The following MACROD2 variants were observed in gnomAD, a reference collection of about 807,000 sequenced individuals.
MACROD2 encodes ADP-ribose glycohydrolase MACROD2.
Under a neutral mutation model 70.4 loss-of-function variants are expected in MACROD2, and 36 were observed. The ratio of observed to expected loss-of-function variants is 0.51; its 90% confidence interval spans 0.39 to 0.68. MACROD2 has a LOEUF of 0.68. Among genes scored for constraint, MACROD2 ranks in the 30% least tolerant of loss-of-function variants. The pLI, the probability that MACROD2 is intolerant of heterozygous loss-of-function variation, is 0.00. For synonymous variants in MACROD2, 172 were observed against 178.8 expected (o/e 0.96, Z 0.30); for missense variants, 496 against 538.4 (o/e 0.92, Z 0.78).
At chr20:14,695,546 A>G (rs906830106) in intron 5 of MACROD2, among the ~76,000 whole-genome samples, 1 of 152,204 alleles carries the variant, frequency 6.6e-6, no homozygotes, top group Non-Finnish European at 1.5e-5. Flanking sequence ...CTCTCTGAGC[A>G]TGGCCAGTTT....
chr20:14,638,105 G>GAAC (rs1984882385), intron 4 of MACROD2, among the ~76,000 whole-genome samples: 1 of 151,876 alleles, frequency 6.6e-6, no homozygotes, highest in Non-Finnish European at 1.5e-5. Context: ...GTAGAGGGTG[G>GAAC]TACATCATTG....
chr20:14,407,185 A>C (rs549842906), intron 3 of MACROD2, among the ~76,000 whole-genome samples: 2 of 149,302 alleles, frequency 1.3e-5, no homozygotes, highest in Non-Finnish European at 3.0e-5. Flanking sequence ...ATTTTCATTT[A>C]AAGTCTTTCT....
intron 5 of MACROD2, among the ~76,000 whole-genome samples, chr20:15,168,185 G>A (rs909680555): frequency 1.3e-5 from 2 of 152,106 alleles, no homozygotes; most frequent in Non-Finnish European, 2.9e-5. Flanking sequence ...TCACATCAGC[G>A]TGATGTGGTG....
chr20:14,025,341 G>A lies in MACROD2; in HGVS notation c.163+22937G>A, dbSNP rs376885386. Reference sequence around the variant, plus strand: ...CTCCTGGATTCATTGATGTTTTGACGGGTTTTTCGTGTCTGTATCTCCTTC... The same window carrying A: ...CTCCTGGATTCATTGATGTTTTGACAGGTTTTTCGTGTCTGTATCTCCTTC... On this transcript the variant is annotated intron_variant, in intron 2 of 17. Transcript: ENST00000684519. Among the ~76,000 whole-genome samples the A allele has an allele frequency of 1.7e-4, 26 of 152,108 alleles. No homozygotes were observed. The South Asian group carries it at 5.4e-3, about 32-fold the overall frequency.
chr20:15,316,261 A>C (rs2077809735), intron 6 of MACROD2, among the ~76,000 whole-genome samples: 1 of 152,074 alleles, frequency 6.6e-6, no homozygotes, highest in Admixed American at 6.6e-5. Flanking sequence ...AATTTTCCCA[A>C]AGGCAGAAAT....
chr20:15,813,046 G>C (rs2063836540), intron 8 of MACROD2, among the ~76,000 whole-genome samples: 1 of 151,998 alleles, frequency 6.6e-6, no homozygotes, highest in Admixed American at 6.6e-5. Context: ...CCTTATTATG[G>C]AAAGCTATAT....
chr20:15,928,975 T>C (rs984261960), intron 10 of MACROD2, among the ~76,000 whole-genome samples: 26 of 150,846 alleles, frequency 1.7e-4, no homozygotes, highest in African/African-American at 6.3e-4. Flanking sequence ...CTTAAAGCCT[T>C]CCTGAGCTGA....
chr20:15,237,623 G>T (rs760879897), intron 6 of MACROD2, among the ~76,000 whole-genome samples: 1 of 152,056 alleles, frequency 6.6e-6, no homozygotes, highest in Non-Finnish European at 1.5e-5. Flanking sequence ...AGGGAACAGC[G>T]CAGAGGAGTG....
intron 3 of MACROD2, among the ~76,000 whole-genome samples, chr20:14,192,708 A>G (rs2081398500): frequency 6.6e-6 from 1 of 152,174 alleles, no homozygotes; most frequent in Non-Finnish European, 1.5e-5. Context: ...GAGTATAGAT[A>G]AACTGCTCGT....
intron 4 of MACROD2, among the ~76,000 whole-genome samples, chr20:14,562,061 A>G (rs1979469538): frequency 6.6e-6 from 1 of 151,926 alleles, no homozygotes; most frequent in Non-Finnish European, 1.5e-5. Context: ...CTCTACTGCC[A>G]TCTGGTTATT....
At chr20:15,176,317 C>G (rs903692091) in intron 5 of MACROD2, among the ~76,000 whole-genome samples, 1 of 152,172 alleles carries the variant, frequency 6.6e-6, no homozygotes, top group African/African-American at 2.4e-5. Flanking sequence ...TGGTGAAATC[C>G]CACCTTCAAG....
At chr20:14,402,806 T>C (rs1343308832) in intron 3 of MACROD2, among the ~76,000 whole-genome samples, 1 of 152,150 alleles carries the variant, frequency 6.6e-6, no homozygotes, top group African/African-American at 2.4e-5. Flanking sequence ...AGTCTTGGGG[T>C]ATTCAGTTTG....
intron 5 of MACROD2, among the ~76,000 whole-genome samples, chr20:14,728,880 T>C (rs2071560581): frequency 6.6e-6 from 1 of 152,136 alleles, no homozygotes; most frequent in African/African-American, 2.4e-5. Context: ...ATCTCTACTA[T>C]TGTGTTTGCA....
intron 3 of MACROD2, among the ~76,000 whole-genome samples, chr20:14,366,333 C>A (rs961196105): frequency 6.8e-6 from 1 of 147,848 alleles, no homozygotes; most frequent in African/African-American, 2.5e-5. Context: ...TATATTTCTA[C>A]TTTTATCTAT....
At chr20:14,134,292 A>T (rs1287196514) in intron 3 of MACROD2, among the ~76,000 whole-genome samples, 1 of 152,178 alleles carries the variant, frequency 6.6e-6, no homozygotes, top group African/African-American at 2.4e-5. Flanking sequence ...GTTAATATGA[A>T]CCTTTCTTTT....
intron 8 of MACROD2, among the ~76,000 whole-genome samples, chr20:15,700,436 G>A (rs932019783): frequency 7.2e-5 from 11 of 152,186 alleles, no homozygotes; most frequent in African/African-American, 2.4e-4. Context: ...CCCCAACTCG[G>A]CTCCGAAGTG....
At chr20:14,070,752 G>A (rs543712242) in intron 2 of MACROD2, among the ~76,000 whole-genome samples, 1 of 152,222 alleles carries the variant, frequency 6.6e-6, no homozygotes, top group Admixed American at 6.5e-5. Context: ...TACCCTTGGT[G>A]GCTTCTCTGA....
chr20:14,303,222 C>T (rs1208201464), intron 3 of MACROD2, among the ~76,000 whole-genome samples: 1 of 152,132 alleles, frequency 6.6e-6, no homozygotes. Context: ...TTCAATGAAA[C>T]TGACCACCAG....
intron 3 of MACROD2, among the ~76,000 whole-genome samples, chr20:14,250,000 A>T (rs1813874845): frequency 6.6e-6 from 1 of 152,008 alleles, no homozygotes; most frequent in South Asian, 2.1e-4. Context: ...TCAGGGACTC[A>T]TGGGTGGGGT....
Sources: allele counts gnomAD v4.1 joint callset (sites outside exome capture counted in the v4.1 genomes callset), GRCh38; gene constraint gnomAD v4.1.1; transcripts MANE v1.5; gene names NCBI Gene and HGNC (gene_info 2026-07-23, HGNC 2026-07-21).